The following ZNF469 variants were observed in gnomAD, a reference collection of about 807,000 sequenced individuals.
ZNF469 encodes zinc finger protein 469.
ZNF469 carries 1 observed loss-of-function variant against 1.0 expected under a neutral mutation model. The observed-to-expected ratio is 1.00, with a 90% CI of 0.35 to 4.73. ZNF469 has a LOEUF of 4.73. ZNF469 is among the 30% of genes most tolerant of loss of function. The pLI, the probability that ZNF469 is intolerant of heterozygous loss-of-function variation, is 0.16. For synonymous variants in ZNF469, 2,703 were observed against 2,363.4 expected (o/e 1.14, Z -4.17); for missense variants, 6,100 against 5,356.3 (o/e 1.14, Z -4.33).
chr16:88,287,242 A>G, the ZNF469 span, among the ~76,000 whole-genome samples: 1 of 152,204 alleles, frequency 6.6e-6, no homozygotes, highest in Non-Finnish European at 1.5e-5. Context: ...ATGTGCCACA[A>G]TTTGTCTACC....
At chr16:88,207,652 G>A in the ZNF469 span, among the ~76,000 whole-genome samples, 1 of 150,996 alleles carries the variant, frequency 6.6e-6, no homozygotes, top group Non-Finnish European at 1.5e-5. Flanking sequence ...AGGTGTCGAC[G>A]GGGCCGCCCT....
chr16:88,199,525 T>G, the ZNF469 span, among the ~76,000 whole-genome samples: 15 of 152,200 alleles, frequency 9.9e-5, no homozygotes, highest in African/African-American at 3.6e-4. Context: ...CAACCATTGT[T>G]TGATGAAGGT....
At chr16:88,128,335 G>A in the ZNF469 span, among the ~76,000 whole-genome samples, 3 of 152,282 alleles carry the variant, frequency 2.0e-5, no homozygotes, top group South Asian at 2.1e-4. Flanking sequence ...CAAGGATGGC[G>A]TCTCTTGAGG....
chr16:88,203,459 G>A, the ZNF469 span, among the ~76,000 whole-genome samples: 4 of 152,166 alleles, frequency 2.6e-5, no homozygotes, highest in African/African-American at 4.8e-5. Context: ...GTGAGCTCCC[G>A]GAGCTGCGGC....
the ZNF469 span, among the ~76,000 whole-genome samples, chr16:88,171,788 T>C: frequency 6.6e-6 from 1 of 152,048 alleles, no homozygotes; most frequent in South Asian, 2.1e-4. Context: ...CAGTAGAGGG[T>C]GATGTATTTG....
chr16:88,370,133 A>G, the ZNF469 span, among the ~76,000 whole-genome samples: 2 of 152,250 alleles, frequency 1.3e-5, no homozygotes, highest in Non-Finnish European at 2.9e-5. Flanking sequence ...TCCCAGGAGC[A>G]TCAGCTTCTT....
the ZNF469 span, among the ~76,000 whole-genome samples, chr16:88,253,649 T>A: frequency 6.6e-6 from 1 of 151,536 alleles, no homozygotes; most frequent in African/African-American, 2.4e-5. Flanking sequence ...ACAATTCTTC[T>A]GCCTCAGCCT....
chr16:88,119,955 T>C, the ZNF469 span, among the ~76,000 whole-genome samples: 1 of 151,966 alleles, frequency 6.6e-6, no homozygotes, highest in Non-Finnish European at 1.5e-5. Context: ...GGGGTCCTGG[T>C]GTTGGGTCTC....
At chr16:88,188,921 CGTA>C in the ZNF469 span, among the ~76,000 whole-genome samples, 1 of 152,000 alleles carries the variant, frequency 6.6e-6, no homozygotes, top group African/African-American at 2.4e-5. Context: ...TGCTTCTGCA[CGTA>C]GGAGGCACCT....
chr16:88,392,913 C>T (rs116407837), intron 1 of ZNF469, among the ~76,000 whole-genome samples: 4,052 of 152,308 alleles, frequency 0.027, 65 homozygotes, highest in Non-Finnish European at 0.04. Flanking sequence ...GGTCCTGAGT[C>T]CCAAGTCCCT....
chr16:88,172,828 A>G, the ZNF469 span, among the ~76,000 whole-genome samples: 1 of 152,268 alleles, frequency 6.6e-6, no homozygotes, highest in Non-Finnish European at 1.5e-5. Context: ...TGAAAAATAC[A>G]CTGGATGGGA....
At chr16:88,259,179 C>T in the ZNF469 span, among the ~76,000 whole-genome samples, 14 of 152,196 alleles carry the variant, frequency 9.2e-5, no homozygotes, top group African/African-American at 3.4e-4. The surrounding 1 kb of genome is among the most constrained non-coding windows in gnomAD (Gnocchi z 4.1). Flanking sequence ...GGCCGTGCGG[C>T]CAGGCCTCGC....
chr16:88,292,819 A>AAC, the ZNF469 span, among the ~76,000 whole-genome samples: 1 of 147,854 alleles, frequency 6.8e-6, no homozygotes, highest in South Asian at 2.2e-4. Flanking sequence ...AAAAAAAAAA[A>AAC]CCTCTAACAG....
chr16:88,138,567 G>A, the ZNF469 span, among the ~76,000 whole-genome samples: 1 of 152,166 alleles, frequency 6.6e-6, no homozygotes, highest in South Asian at 2.1e-4. Context: ...AACTTTATGT[G>A]GCAGTGTCTG....
chr16:88,103,274 C>G, the ZNF469 span, among the ~76,000 whole-genome samples: 22 of 152,234 alleles, frequency 1.4e-4, no homozygotes, highest in African/African-American at 4.8e-4. Flanking sequence ...CGCCCTTCGG[C>G]TCTGGTCCTG....
At chr16:88,160,918 G>T in the ZNF469 span, among the ~76,000 whole-genome samples, 1 of 152,172 alleles carries the variant, frequency 6.6e-6, no homozygotes, top group Non-Finnish European at 1.5e-5. Flanking sequence ...CGAGGTGGGC[G>T]GATCATTTGA....
the ZNF469 span, among the ~76,000 whole-genome samples, chr16:88,352,007 G>C: frequency 1.3e-5 from 2 of 152,204 alleles, no homozygotes; most frequent in South Asian, 4.1e-4. Flanking sequence ...ACGACACAGA[G>C]AAACCTGCAG....
the ZNF469 span, among the ~76,000 whole-genome samples, chr16:88,170,890 T>C: frequency 2.0e-5 from 3 of 150,816 alleles, no homozygotes; most frequent in Non-Finnish European, 2.9e-5. The surrounding 1 kb of genome is among the most constrained non-coding windows in gnomAD (Gnocchi z 4.2). Context: ...CGAGCAAGTG[T>C]TGCCGCTCCA....
chr16:88,397,716 A>AAG (rs142429391), intron 1 of ZNF469, among the ~76,000 whole-genome samples: 1 of 144,484 alleles, frequency 6.9e-6, no homozygotes. Flanking sequence ...TACGCGAGGA[A>AAG]AGAGAGAGAG....
Sources: gnomAD v4.1 joint callset for allele counts (sites outside exome capture counted in the v4.1 genomes callset) on GRCh38, gnomAD v4.1.1 for gene constraint, Gnocchi (gnomAD v3.1) non-coding constraint, MANE v1.5 for transcripts, NCBI Gene and HGNC (gene_info 2026-07-23, HGNC 2026-07-21) for gene names.